KDM5A: variants seen among roughly 807,000 people sequenced by gnomAD.
KDM5A encodes the protein lysine-specific demethylase 5A.
A neutral mutation model predicts 193.5 loss-of-function variants in KDM5A; 42 were observed. The observed-to-expected ratio is 0.22, with a 90% CI of 0.17 to 0.28. KDM5A has a LOEUF of 0.28. KDM5A is among the 10% of genes least tolerant of loss of function. The pLI, the probability that KDM5A is intolerant of heterozygous loss-of-function variation, is 1.00. For missense variants in KDM5A, 1,692 were observed against 2,055.1 expected, an observed-to-expected ratio of 0.82 and a Z score of 3.42; for synonymous variants, 796 against 718.1, an observed-to-expected ratio of 1.11 and a Z score of -1.73.
At chr12:311,155 T>A (rs971981414) in intron 20 of KDM5A, 91 bp from the exon 21 acceptor site, 23 of 1,087,082 alleles carry the variant, frequency 2.1e-5, no homozygotes, top group Non-Finnish European at 3.0e-5. Flanking sequence ...TTAGTGTTAG[T>A]TCTTTTATTA....
At chr12:298,583 A>G (rs1429852732) in intron 24 of KDM5A, among the ~76,000 whole-genome samples, 1 of 152,218 alleles carries the variant, frequency 6.6e-6, no homozygotes, top group African/African-American at 2.4e-5. Flanking sequence ...AAATCCACGA[A>G]GATGGGGAGA....
In KDM5A at chr12:307,449, C is replaced by T. The variant is rs2137387617; in HGVS notation, c.3930+5G>A. Reference sequence around the variant, plus strand: ...ATAGAAAAAGAATGTAAATCCTAAACTTGCCTGTAAGTCTGGATTGGCAGC... The same window carrying T: ...ATAGAAAAAGAATGTAAATCCTAAATTTGCCTGTAAGTCTGGATTGGCAGC... On this transcript the variant is annotated splice_donor_5th_base_variant and intron_variant, in intron 23 of 27. Coordinates refer to ENST00000399788, the MANE Select transcript of KDM5A (RefSeq NM_001042603.3). The surrounding 1 kb of genome is among the most constrained non-coding windows in gnomAD (Gnocchi z 4.3). The T allele has an allele frequency of 6.2e-7, 1 of 1,612,468 alleles. No homozygotes were observed. Among genetic ancestry groups the T allele is most frequent in the Non-Finnish European group, 8.5e-7 (1 of 1,179,746 alleles).
intron 16 of KDM5A, 69 bp from the exon 17 acceptor site, chr12:322,636 C>T: frequency 1.5e-6 from 2 of 1,365,528 alleles, no homozygotes; most frequent in Admixed American, 1.7e-5. Flanking sequence ...AAAATCTTCA[C>T]CAACCTCACT....
chr12:293,140 T>C lies in KDM5A; in HGVS notation c.4485A>G (p.Lys1495=), dbSNP rs756540203. 6.8e-6 allele frequency: 11 copies of C among 1,611,504 alleles called. No homozygotes were observed. In the South Asian group the frequency reaches 1.0e-4, roughly 15 times the overall value. The change falls in exon 27 of 28, where the codon AAA becomes AAG. Residue 1495 remains lysine, a synonymous_variant. Coordinates refer to ENST00000399788, the MANE Select transcript of KDM5A (RefSeq NM_001042603.3). ...EDDSMEEKPL[K]VKGKDSSEKK... ...TCTCTGAAGAGTCCTTTCCTTTCAC[T>C]TTTAGTGGTTTCTCTTCCATGCTGT...
At chr12:351,004 C>T (rs898880373) in intron 9 of KDM5A, among the ~76,000 whole-genome samples, 1 of 152,024 alleles carries the variant, frequency 6.6e-6, no homozygotes, top group Non-Finnish European at 1.5e-5. Flanking sequence ...TGCCCTTTTC[C>T]GAAAGAAACT....
intron 5 of KDM5A, among the ~76,000 whole-genome samples, chr12:361,788 T>C (rs1944297106): frequency 6.6e-6 from 1 of 152,202 alleles, no homozygotes; most frequent in South Asian, 2.1e-4. Flanking sequence ...GTTATCACTT[T>C]CCAATGAATT....
At chr12:375,372 G>A (rs1379828533) in intron 3 of KDM5A, among the ~76,000 whole-genome samples, 2 of 152,158 alleles carry the variant, frequency 1.3e-5, no homozygotes, top group South Asian at 2.1e-4. Context: ...ATTGGCTACT[G>A]AAGCTTGTGC....
intron 3 of KDM5A, among the ~76,000 whole-genome samples, chr12:372,784 G>T (rs4980890): frequency 0.07 from 10,723 of 152,186 alleles, 847 homozygotes; most frequent in East Asian, 0.35. Flanking sequence ...CTAATTTATT[G>T]AGAGTTTTTA....
intron 1 of KDM5A, chr12:387,325 T>C: frequency 3.2e-6 from 1 of 315,368 alleles, no homozygotes; most frequent in South Asian, 2.5e-5. Flanking sequence ...TAATGTGACA[T>C]AAAGAGAAAG....
At chr12:331,773 T>C (rs375871010) in intron 13 of KDM5A, 46 bp downstream of exon 13, 18 of 1,611,056 alleles carry the variant, frequency 1.1e-5, no homozygotes, top group South Asian at 1.1e-4. Context: ...TTTATATTTA[T>C]AGGGGGGTTA....
chr12:379,194 T>G (rs569078061), intron 3 of KDM5A, among the ~76,000 whole-genome samples: 1 of 152,100 alleles, frequency 6.6e-6, no homozygotes, highest in East Asian at 1.9e-4. Context: ...ACTTAATAGA[T>G]GCCAACAAAC....
In KDM5A at chr12:389,115, G is replaced by A. The variant is rs750693046; in HGVS notation, c.-24C>T. On this transcript the variant is annotated 5_prime_UTR_variant, in exon 1 of 28. Transcript: ENST00000399788. Reference sequence around the variant, plus strand: ...ATTGCAACGGCCGGGGGGGGGGGGGGGTCCCCGTGGGGAACCGGTGGAGAA... The same window carrying A: ...ATTGCAACGGCCGGGGGGGGGGGGGAGTCCCCGTGGGGAACCGGTGGAGAA... 1.5e-5 allele frequency: 21 copies of A among 1,380,352 alleles called. No homozygotes were observed. Among genetic ancestry groups the A allele is most frequent in the Admixed American group, 1.9e-5 (1 of 51,406 alleles). The allele number at this position is 1,380,352 out of a possible 1,614,324, so 85.5% of individuals were successfully genotyped here. A position where few individuals can be genotyped will look rare whatever the true frequency, so the allele number is the denominator to read the frequency against.
intron 3 of KDM5A, among the ~76,000 whole-genome samples, chr12:374,624 A>T (rs1944477200): frequency 6.6e-6 from 1 of 152,194 alleles, no homozygotes; most frequent in African/African-American, 2.4e-5. Context: ...TTATGATGTT[A>T]GCTGATTATT....
chr12:368,217 A>T (rs1944381177), intron 3 of KDM5A, among the ~76,000 whole-genome samples: 1 of 152,242 alleles, frequency 6.6e-6, no homozygotes, highest in African/African-American at 2.4e-5. Context: ...AAGCAAATTC[A>T]TAGAGACAGA....
chr12:297,526 A>G (rs1387066303), intron 24 of KDM5A, among the ~76,000 whole-genome samples: 1 of 152,110 alleles, frequency 6.6e-6, no homozygotes, highest in Non-Finnish European at 1.5e-5. Context: ...ACCCATTAAG[A>G]TTTTCACCCG....
intron 26 of KDM5A, among the ~76,000 whole-genome samples, chr12:293,796 G>GA (rs1351809052): frequency 2.2e-5 from 3 of 136,378 alleles, no homozygotes; most frequent in Non-Finnish European, 4.8e-5. Flanking sequence ...AAAGGGGGGG[G>GA]GGGGGATTTA....
chr12:299,754 G>C (rs139159278), intron 24 of KDM5A, among the ~76,000 whole-genome samples: 1,634 of 152,126 alleles, frequency 0.011, 13 homozygotes, highest in Middle Eastern at 0.027. Flanking sequence ...TAGCCAATTG[G>C]ATAAAGAGTC....
Position 352,194 on chromosome 12 carries a change from A to G in KDM5A, c.1149+11T>C. ...ACCTCCCCGGACCGACCTAAAAGATAGCTTACTCACATGGACTGGCATATT... is the reference window on the plus strand; with the variant it reads ...ACCTCCCCGGACCGACCTAAAAGATGGCTTACTCACATGGACTGGCATATT... On this transcript the variant is annotated intron_variant, in intron 9 of 27. Transcript: ENST00000399788. 1 of 1,610,548 alleles carries G rather than the reference A, an allele frequency of 6.2e-7. No individual in the cohort carries two copies. The highest frequency in any genetic ancestry group is 8.5e-7 in the Non-Finnish European group (1 of 1,177,494).
At chr12:309,258 A>C (rs75755418) in intron 22 of KDM5A, among the ~76,000 whole-genome samples, 4,426 of 152,318 alleles carry the variant, frequency 0.029, 82 homozygotes, top group Middle Eastern at 0.044. Context: ...GTCACTCACT[A>C]ATTTACCAAA....
Sources: allele counts gnomAD v4.1 joint callset (sites outside exome capture counted in the v4.1 genomes callset), GRCh38; gene constraint gnomAD v4.1.1; non-coding constraint Gnocchi (gnomAD v3.1); transcripts MANE v1.5; gene names NCBI Gene and HGNC (gene_info 2026-07-23, HGNC 2026-07-21).